Variants in SLC24A2 observed in about 807,000 individuals in gnomAD.
SLC24A2 encodes the protein sodium/potassium/calcium exchanger 2.
SLC24A2 carries 36 observed loss-of-function variants against 62.0 expected under a neutral mutation model. The observed-to-expected ratio is 0.58, with a 90% CI of 0.44 to 0.77. The LOEUF (loss-of-function observed/expected upper bound fraction) is 0.77. Ranked by LOEUF, SLC24A2 falls within the 30% of genes least tolerant of loss-of-function variation. The probability of loss-of-function intolerance (pLI) is 0.00; values close to 1 mark genes in which losing one functional copy is unlikely to be tolerated. For missense variants in SLC24A2, 846 were observed against 817.9 expected (o/e 1.03, Z -0.42); for synonymous variants, 358 against 294.0 (o/e 1.22, Z -2.23).
the SLC24A2 span, among the ~76,000 whole-genome samples, chr9:19,925,427 A>G: frequency 6.6e-6 from 1 of 152,174 alleles, no homozygotes; most frequent in South Asian, 2.1e-4. Context: ...AAGCACAATT[A>G]CTTGTGGTAG....
At chr9:20,240,744 G>T in the SLC24A2 span, among the ~76,000 whole-genome samples, 31 of 152,128 alleles carry the variant, frequency 2.0e-4, no homozygotes, top group Non-Finnish European at 5.9e-5. Flanking sequence ...CTGCATTTAG[G>T]GTGAGCAAAG....
chr9:19,800,436 T>G, the SLC24A2 span, among the ~76,000 whole-genome samples: 1 of 152,220 alleles, frequency 6.6e-6, no homozygotes, highest in African/African-American at 2.4e-5. Flanking sequence ...GCTCTGGAAC[T>G]TTATTACTTT....
At chr9:19,548,804 C>G (rs1163899755) in intron 8 of SLC24A2, among the ~76,000 whole-genome samples, 1 of 152,212 alleles carries the variant, frequency 6.6e-6, no homozygotes, top group African/African-American at 2.4e-5. Context: ...TCTCATTGCT[C>G]CCGCCAAGGG....
At chr9:19,887,064 A>T in the SLC24A2 span, among the ~76,000 whole-genome samples, 61 of 152,258 alleles carry the variant, frequency 4.0e-4, no homozygotes, top group Admixed American at 6.5e-4. Flanking sequence ...GGACAGGGGA[A>T]GGGAGAGAAT....
chr9:20,132,484 C>G, the SLC24A2 span, among the ~76,000 whole-genome samples: 1 of 152,060 alleles, frequency 6.6e-6, no homozygotes, highest in Non-Finnish European at 1.5e-5. Flanking sequence ...GGCCATGATA[C>G]AGTTCGGAGA....
At chr9:19,754,486 G>T (rs547117802) in intron 2 of SLC24A2, among the ~76,000 whole-genome samples, 1 of 152,246 alleles carries the variant, frequency 6.6e-6, no homozygotes, top group Admixed American at 6.5e-5. Flanking sequence ...ATGCCTTCCT[G>T]ATCTGCAGAG....
chr9:19,795,173 C>T, the SLC24A2 span, among the ~76,000 whole-genome samples: 3 of 152,160 alleles, frequency 2.0e-5, no homozygotes, highest in Admixed American at 1.3e-4. Context: ...AACAAAGCTT[C>T]CTCCATCTCC....
At chr9:19,666,097 T>A (rs1587122165) in intron 2 of SLC24A2, among the ~76,000 whole-genome samples, 1 of 152,180 alleles carries the variant, frequency 6.6e-6, no homozygotes, top group Admixed American at 6.6e-5. Flanking sequence ...AGCATTTCAA[T>A]GATACATCTT....
chr9:19,612,648 A>G (rs1026169448), intron 4 of SLC24A2, among the ~76,000 whole-genome samples: 2 of 152,178 alleles, frequency 1.3e-5, no homozygotes, highest in African/African-American at 4.8e-5. Context: ...GTTTCAGTCA[A>G]TCCTCACTCT....
chr9:20,296,139 G>A, the SLC24A2 span, among the ~76,000 whole-genome samples: 1 of 152,324 alleles, frequency 6.6e-6, no homozygotes, highest in South Asian at 2.1e-4. Context: ...TCACCTAATT[G>A]CAATAGCCAA....
the SLC24A2 span, among the ~76,000 whole-genome samples, chr9:20,164,504 G>A: frequency 2.6e-5 from 4 of 150,956 alleles, no homozygotes; most frequent in Admixed American, 2.6e-4. Context: ...GAGAGGATGT[G>A]GAGAAATAGG....
chr9:20,211,052 G>C, the SLC24A2 span, among the ~76,000 whole-genome samples: 2 of 151,762 alleles, frequency 1.3e-5, no homozygotes, highest in South Asian at 4.2e-4. Context: ...GAGGAAAAAA[G>C]ATCTTTTTAT....
chr9:20,235,391 C>A, the SLC24A2 span, among the ~76,000 whole-genome samples: 2 of 152,364 alleles, frequency 1.3e-5, 1 homozygote, highest in South Asian at 4.1e-4. Context: ...GAACTTCCCG[C>A]CGCTTTGTTT....
intron 8 of SLC24A2, among the ~76,000 whole-genome samples, chr9:19,541,873 G>T (rs1269651245): frequency 6.6e-6 from 1 of 151,998 alleles, no homozygotes; most frequent in African/African-American, 2.4e-5. Flanking sequence ...GTGGGCGTAG[G>T]ACCCTCTGAG....
At chr9:20,292,568 T>C in the SLC24A2 span, among the ~76,000 whole-genome samples, 1 of 152,144 alleles carries the variant, frequency 6.6e-6, no homozygotes, top group Non-Finnish European at 1.5e-5. Context: ...ACTGGGTGGC[T>C]TCAGCAACAG....
the SLC24A2 span, among the ~76,000 whole-genome samples, chr9:20,108,535 C>T: frequency 6.6e-6 from 1 of 152,156 alleles, no homozygotes. Flanking sequence ...ATGATGAGTT[C>T]ATGTCCTTTG....
chr9:19,846,914 C>T, the SLC24A2 span, among the ~76,000 whole-genome samples: 11 of 151,758 alleles, frequency 7.2e-5, no homozygotes, highest in Admixed American at 2.0e-4. Flanking sequence ...CCCAGCTACT[C>T]GGGAGGCTGA....
intron 10 of SLC24A2, among the ~76,000 whole-genome samples, chr9:19,517,410 A>G (rs900893726): frequency 2.0e-5 from 3 of 152,202 alleles, no homozygotes; most frequent in Non-Finnish European, 2.9e-5. Flanking sequence ...TACTCTTTTG[A>G]AACATTACAT....
chr9:20,041,663 G>A, the SLC24A2 span, among the ~76,000 whole-genome samples: 7 of 152,262 alleles, frequency 4.6e-5, no homozygotes, highest in African/African-American at 1.4e-4. Flanking sequence ...TACATATGAA[G>A]GAAAATTGAT....
Sources: gnomAD v4.1 joint callset for allele counts (sites outside exome capture counted in the v4.1 genomes callset) on GRCh38, gnomAD v4.1.1 for gene constraint, MANE v1.5 for transcripts, NCBI Gene and HGNC (gene_info 2026-07-23, HGNC 2026-07-21) for gene names.